CYB5R3: variants seen among roughly 807,000 people sequenced by gnomAD.
CYB5R3 encodes the protein cytochrome b5 reductase 3, also known as NADH-cytochrome b5 reductase 3.
In CYB5R3, 28 loss-of-function variants were observed where a neutral mutation model predicts 36.5. The observed-to-expected ratio is 0.77, with a 90% confidence interval of 0.57 to 1.05. The LOEUF is 1.05. Among genes scored for constraint, CYB5R3 ranks in the 50% least tolerant of loss-of-function variants. The probability of loss-of-function intolerance (pLI) is 0.00; values close to 1 mark genes in which losing one functional copy is unlikely to be tolerated. For missense variants in CYB5R3, 474 were observed against 408.9 expected (o/e 1.16, Z -1.37); for synonymous variants, 181 against 159.8 (o/e 1.13, Z -1.00).
In CYB5R3 at chr22:42,648,851, CA is replaced by C. The variant is rs201286455; in HGVS notation, c.21+443del. Among the ~76,000 whole-genome samples the C allele has an allele frequency of 1.2e-4, 16 of 137,336 alleles. 1 individual carries two copies. Among genetic ancestry groups the C allele is most frequent in the Admixed American group, 7.7e-4 (11 of 14,232 alleles). The allele number at this position is 137,336 out of a possible 152,430, so 90.1% of individuals were successfully genotyped here. Reference sequence around the variant, plus strand: ...TCACATACTCCCGTACACACACACACACCCCATCACACGTTTCCATGCCCGC... The same window carrying C: ...TCACATACTCCCGTACACACACACACCCCCATCACACGTTTCCATGCCCGC... On this transcript the variant is annotated intron_variant, in intron 1 of 8. Transcript: ENST00000352397.
chr22:42,624,997 G>C (rs1928191460), intron 7 of CYB5R3, among the ~76,000 whole-genome samples: 1 of 152,142 alleles, frequency 6.6e-6, no homozygotes, highest in Non-Finnish European at 1.5e-5. Flanking sequence ...ACGGGGTGTT[G>C]AACAGTTTTT....
chr22:42,620,342 G>A (rs1356910749), intron 8 of CYB5R3, among the ~76,000 whole-genome samples: 3 of 152,094 alleles, frequency 2.0e-5, no homozygotes, highest in Non-Finnish European at 2.9e-5. Flanking sequence ...GCAGGGACAC[G>A]ACTGAGATGT....
intron 1 of CYB5R3, among the ~76,000 whole-genome samples, chr22:42,644,843 C>G (rs1393133295): frequency 6.6e-6 from 1 of 152,192 alleles, no homozygotes; most frequent in East Asian, 1.9e-4. Flanking sequence ...CGTCAGTGCA[C>G]AGCCCAGCTT....
chr22:42,641,207 A>G (rs1929254459), intron 1 of CYB5R3, among the ~76,000 whole-genome samples: 1 of 152,222 alleles, frequency 6.6e-6, no homozygotes, highest in South Asian at 2.1e-4. Context: ...CTGTAAAAAT[A>G]TAGTATATAA....
In CYB5R3 at chr22:42,634,317, C is replaced by T. The variant is rs193076651; in HGVS notation, c.153+2398G>A. Reference sequence around the variant, plus strand: ...CAGAGGTTGCAGTGAGCCGAGATCACACCATTGCACTATAGCCTGGGCAAC... The same window carrying T: ...CAGAGGTTGCAGTGAGCCGAGATCATACCATTGCACTATAGCCTGGGCAAC... On this transcript the variant is annotated intron_variant, in intron 2 of 8. Transcript: ENST00000352397. Among the ~76,000 whole-genome samples the T allele has an allele frequency of 3.0e-3, 448 of 151,394 alleles. 2 individuals carry two copies. The highest frequency in any genetic ancestry group is 4.4e-3 in the Non-Finnish European group (296 of 67,796).
intron 2 of CYB5R3, among the ~76,000 whole-genome samples, chr22:42,634,549 C>T (rs1219951974): frequency 1.3e-5 from 2 of 151,446 alleles, no homozygotes; most frequent in African/African-American, 4.8e-5. Flanking sequence ...CAGGTTCAAG[C>T]GATTCTCCTG....
rs754712781 is a variant in CYB5R3, at chr22:42,644,360, C to G, written c.21+4935G>C. ...GCTCCCCACTGCCTACCTGAAGGCA[C>G]CCTCTCTATGGCCCCAACTCTGGAC... On this transcript the variant is annotated intron_variant, in intron 1 of 8. Coordinates refer to ENST00000352397, the MANE Select transcript of CYB5R3 (RefSeq NM_000398.7). 4 of 704,468 alleles carry G rather than the reference C, an allele frequency of 5.7e-6. 1 individual carries two copies. The South Asian group carries it at 5.9e-5, about 10-fold the overall frequency. The allele number at this position is 704,468 out of a possible 1,614,324, so 43.6% of individuals were successfully genotyped here.
intron 7 of CYB5R3, among the ~76,000 whole-genome samples, chr22:42,625,838 A>G (rs1302638905): frequency 6.6e-6 from 1 of 152,032 alleles, no homozygotes; most frequent in African/African-American, 2.4e-5. Context: ...AGACACTGGT[A>G]TTTTTCACTC....
chr22:42,635,781 C>T (rs988737102), intron 2 of CYB5R3, among the ~76,000 whole-genome samples: 1 of 152,208 alleles, frequency 6.6e-6, no homozygotes, highest in African/African-American at 2.4e-5. Flanking sequence ...TGCCACACCC[C>T]TCCTGTGCCT....
At chr22:42,627,491 C>T in intron 6 of CYB5R3, 102 bp from the exon 7 acceptor site, 2 of 1,458,138 alleles carry the variant, frequency 1.4e-6, no homozygotes, top group Non-Finnish European at 1.9e-6. Context: ...GACCACTGGG[C>T]CTGGGCCCCT....
intron 4 of CYB5R3, among the ~76,000 whole-genome samples, chr22:42,628,489 C>G (rs1011144773): frequency 6.6e-6 from 1 of 152,198 alleles, no homozygotes; most frequent in Non-Finnish European, 1.5e-5. Context: ...CAGCCTCCAC[C>G]TGACATATCC....
rs1181211564 is a variant in CYB5R3 at position 42,618,065 on chromosome 22, TCTGA to T, written c.*1704_*1707del. ...ATTTACCACCATGCAGATGGCATCC[TCTGA>T]CTTTCCTGAGCCTCGAGGCTCATCT... On this transcript the variant is annotated 3_prime_UTR_variant, in exon 9 of 9. Transcript: ENST00000352397. The T allele has an allele frequency of 2.6e-5, 4 of 152,284 alleles. No individual in the cohort carries two copies. The highest frequency in any genetic ancestry group is 4.4e-5 in the Non-Finnish European group (3 of 68,102). The allele number at this position is 152,284 out of a possible 1,614,324, so 9.4% of individuals were successfully genotyped here. A position where few individuals can be genotyped will look rare whatever the true frequency, so the allele number is the denominator to read the frequency against.
chr22:42,648,712 G>T (rs1929636021), intron 1 of CYB5R3, among the ~76,000 whole-genome samples: 1 of 152,188 alleles, frequency 6.6e-6, no homozygotes, highest in Non-Finnish European at 1.5e-5. Context: ...AGCATTGGGA[G>T]GATGCCCCCG....
chr22:42,642,701 G>C (rs999093523), intron 1 of CYB5R3, among the ~76,000 whole-genome samples: 2 of 152,232 alleles, frequency 1.3e-5, no homozygotes, highest in African/African-American at 4.8e-5. Context: ...GCCTCCCAAA[G>C]TGCTGGGATT....
chr22:42,632,920 G>A (rs1928694933), intron 2 of CYB5R3: 1 of 152,442 alleles, frequency 6.6e-6, no homozygotes, highest in African/African-American at 2.4e-5. Flanking sequence ...CAGCTACTCA[G>A]GAGGCTGAGG....
intron 7 of CYB5R3, among the ~76,000 whole-genome samples, chr22:42,625,952 G>A (rs1928245990): frequency 1.3e-5 from 2 of 152,214 alleles, no homozygotes; most frequent in Admixed American, 6.5e-5. Context: ...GTCCTATGAA[G>A]CCAGACATTC....
In CYB5R3 at chr22:42,619,331, G is replaced by A. The variant is rs1177101062; in HGVS notation, c.*442C>T. ...GGTGAGGCCTGGGCCTGGCCCTGAG[G>A]CGGGAGTGGGGGTGACAGGCGAGGC... On this transcript the variant is annotated 3_prime_UTR_variant, in exon 9 of 9. Transcript: ENST00000352397. 5.1e-6 allele frequency: 1 copy of A among 197,914 alleles called. No individual in the cohort carries two copies. Among genetic ancestry groups the A allele is most frequent in the African/African-American group, 2.3e-5 (1 of 43,326 alleles). 12.3% of individuals were successfully genotyped at this position (197,914 alleles called of 1,614,324 possible). A position where few individuals can be genotyped will look rare whatever the true frequency, so the allele number is the denominator to read the frequency against.
chr22:42,636,906 C>G (rs1928932126), intron 1 of CYB5R3, 60 bp from the exon 2 acceptor site: 2 of 1,586,994 alleles, frequency 1.3e-6, no homozygotes, highest in Non-Finnish European at 1.7e-6. Context: ...AACACACCGG[C>G]TTGTCCACAC....
chr22:42,632,062 G>C (rs2146885481), intron 2 of CYB5R3: 1 of 156,282 alleles, frequency 6.4e-6, no homozygotes, highest in East Asian at 1.9e-4. Flanking sequence ...CAGTGGCTGG[G>C]ACAGTGGCAG....
Sources: allele counts gnomAD v4.1 joint callset (sites outside exome capture counted in the v4.1 genomes callset), GRCh38; gene constraint gnomAD v4.1.1; transcripts MANE v1.5; gene names NCBI Gene and HGNC (gene_info 2026-07-23, HGNC 2026-07-21).